UBE2F: variants seen among roughly 807,000 people sequenced by gnomAD.
UBE2F encodes NEDD8-conjugating enzyme UBE2F.
UBE2F carries 5 observed loss-of-function variants against 29.6 expected under a neutral mutation model. The observed-to-expected ratio is 0.17, with a 90% CI of 0.09 to 0.36. The LOEUF is 0.36. Among genes scored for constraint, UBE2F ranks in the 10% least tolerant of loss-of-function variants. UBE2F has a pLI of 1.00. For missense variants in UBE2F, 141 were observed against 228.5 expected, an observed-to-expected ratio of 0.62 and a Z score of 2.47; for synonymous variants, 66 against 81.8, an observed-to-expected ratio of 0.81 and a Z score of 1.04.
chr2:238,023,824 G>A (rs1361915678), intron 5 of UBE2F, among the ~76,000 whole-genome samples: 1 of 152,176 alleles, frequency 6.6e-6, no homozygotes, highest in Non-Finnish European at 1.5e-5. Flanking sequence ...GGCGGGCGGG[G>A]TGTCACATCT....
intron 5 of UBE2F, among the ~76,000 whole-genome samples, chr2:238,017,591 G>C (rs1163939581): frequency 3.9e-5 from 6 of 152,222 alleles, no homozygotes; most frequent in African/African-American, 1.4e-4. Flanking sequence ...GGGTATTAGA[G>C]GAGGTGTGGC....
At chr2:238,030,743 C>T (rs1245655333) in intron 7 of UBE2F, 130 bp downstream of exon 7, 1 of 697,696 alleles carries the variant, frequency 1.4e-6, no homozygotes, top group Non-Finnish European at 2.6e-6. Flanking sequence ...CACACCCTGC[C>T]TCCTCTTCTC....
intron 4 of UBE2F, among the ~76,000 whole-genome samples, chr2:237,995,122 T>C (rs1201784760): frequency 6.6e-6 from 1 of 152,176 alleles, no homozygotes; most frequent in Non-Finnish European, 1.5e-5. Context: ...CCTTTTCCCT[T>C]ACGTAGGAAT....
intron 8 of UBE2F, chr2:238,035,509 T>G: frequency 5.4e-6 from 1 of 186,402 alleles, no homozygotes; most frequent in East Asian, 1.5e-4. Flanking sequence ...AAAGTGAATT[T>G]TTATGGAAAA....
intron 1 of UBE2F, among the ~76,000 whole-genome samples, chr2:237,968,362 A>T (rs1365893840): frequency 1.3e-5 from 2 of 152,180 alleles, no homozygotes; most frequent in African/African-American, 4.8e-5. Context: ...ATGGTCGGTC[A>T]ACCAGCGTAC....
chr2:238,027,751 C>T (rs1038696745), intron 6 of UBE2F, among the ~76,000 whole-genome samples: 3 of 152,204 alleles, frequency 2.0e-5, no homozygotes, highest in African/African-American at 7.2e-5. Context: ...GAAGGAAAAG[C>T]CCAACCGCAC....
At chr2:237,987,439 G>T (rs1230165043) in intron 2 of UBE2F, among the ~76,000 whole-genome samples, 2 of 152,154 alleles carry the variant, frequency 1.3e-5, no homozygotes, top group African/African-American at 4.8e-5. Flanking sequence ...TTGTGGCGAG[G>T]GTTTGCAGTT....
intron 4 of UBE2F, among the ~76,000 whole-genome samples, chr2:238,008,956 T>G (rs2063960704): frequency 6.6e-6 from 1 of 152,258 alleles, no homozygotes; most frequent in African/African-American, 2.4e-5. Context: ...AAGAACATCC[T>G]TGAAGATTTT....
chr2:238,006,130 C>T (rs1307211625), intron 4 of UBE2F, among the ~76,000 whole-genome samples: 1 of 152,138 alleles, frequency 6.6e-6, no homozygotes, highest in African/African-American at 2.4e-5. Flanking sequence ...TGGCATCTGC[C>T]TCTAGTGAGG....
intron 4 of UBE2F, among the ~76,000 whole-genome samples, chr2:237,995,456 C>T (rs1431821060): frequency 6.6e-6 from 1 of 152,228 alleles, no homozygotes; most frequent in African/African-American, 2.4e-5. Context: ...CTTCACAACC[C>T]ACTGGTGTTT....
intron 5 of UBE2F, among the ~76,000 whole-genome samples, chr2:238,019,019 G>T (rs907971486): frequency 2.6e-5 from 4 of 152,152 alleles, no homozygotes; most frequent in Non-Finnish European, 2.9e-5. Context: ...AGGTTGAGGT[G>T]GAGGGGTAAG....
intron 2 of UBE2F, among the ~76,000 whole-genome samples, chr2:237,974,262 A>T (rs951457884): frequency 6.6e-6 from 1 of 151,758 alleles, no homozygotes; most frequent in African/African-American, 2.4e-5. Context: ...GGTTCAAGCA[A>T]TTCTCCTGCC....
intron 5 of UBE2F, 120 bp from the exon 6 acceptor site, chr2:238,025,222 C>T: frequency 1.2e-6 from 1 of 831,008 alleles, no homozygotes; most frequent in Non-Finnish European, 2.0e-6. Context: ...GCGAGTCAAA[C>T]TGCACACTGA....
At chr2:238,028,396 A>G (rs2064484856) in intron 6 of UBE2F, among the ~76,000 whole-genome samples, 1 of 152,288 alleles carries the variant, frequency 6.6e-6, no homozygotes, top group South Asian at 2.1e-4. Flanking sequence ...GCATTCAACA[A>G]ATAAATGACA....
rs1220396507 is a variant in UBE2F, at chr2:238,016,548, T to C, written c.215-18T>C. The stretch of plus-strand genomic sequence containing the variant: ...TAATTTAAAGGATTTTTTTGTTTTG[T>C]TTTGTGTTTTTTGATAGATGAGGGT... On this transcript the variant is annotated intron_variant, in intron 4 of 9. Coordinates refer to ENST00000272930, the MANE Select transcript of UBE2F (RefSeq NM_080678.3). 6.3e-7 allele frequency: 1 copy of C among 1,599,652 alleles called. No homozygotes were observed. Among genetic ancestry groups the C allele is most frequent in the Admixed American group, 1.8e-5 (1 of 56,928 alleles).
rs183706365 is a variant in UBE2F at position 237,978,895 on chromosome 2, C to G, written c.118+5670C>G. On this transcript the variant is annotated intron_variant, in intron 2 of 9. Transcript: ENST00000272930. ...TCTGAGTCCATGGTGCTCCCTACCC[C>G]CCAAACACCCCTCAGGGCAGAATTA... Among the ~76,000 whole-genome samples, 38 of 152,268 alleles carry G rather than the reference C, an allele frequency of 2.5e-4. No homozygotes were observed. In the East Asian group the frequency reaches 6.0e-3, roughly 24 times the overall value.
At chr2:237,972,247 A>G (rs1330965810) in intron 1 of UBE2F, among the ~76,000 whole-genome samples, 1 of 152,274 alleles carries the variant, frequency 6.6e-6, no homozygotes, top group African/African-American at 2.4e-5. Context: ...TTATTAAAAG[A>G]GGAAGGAGAG....
At chr2:237,987,338 T>G (rs1384395456) in intron 2 of UBE2F, among the ~76,000 whole-genome samples, 1 of 152,150 alleles carries the variant, frequency 6.6e-6, no homozygotes, top group Non-Finnish European at 1.5e-5. Flanking sequence ...ATTTCTTTCT[T>G]TCTAGTTTGG....
chr2:237,998,918 T>C (rs1330066499), intron 4 of UBE2F, among the ~76,000 whole-genome samples: 1 of 152,182 alleles, frequency 6.6e-6, no homozygotes, highest in Non-Finnish European at 1.5e-5. Context: ...CTTTCTGAAG[T>C]GCCCCAGTCT....
Sources: allele counts gnomAD v4.1 joint callset (sites outside exome capture counted in the v4.1 genomes callset), GRCh38; gene constraint gnomAD v4.1.1; transcripts MANE v1.5; gene names NCBI Gene and HGNC (gene_info 2026-07-23, HGNC 2026-07-21).